CNRIP1: variants seen among roughly 807,000 people sequenced by gnomAD.
CNRIP1 encodes CB1 cannabinoid receptor-interacting protein 1.
Under a neutral mutation model 15.2 loss-of-function variants are expected in CNRIP1, and 10 were observed. The ratio of observed to expected loss-of-function variants is 0.66; its 90% CI spans 0.41 to 1.12. CNRIP1 has a LOEUF of 1.12. Among genes scored for constraint, CNRIP1 ranks in the 50% most tolerant of loss-of-function variants. CNRIP1 has a pLI of 0.00. For synonymous variants in CNRIP1, 91 were observed against 83.2 expected (o/e 1.09, Z -0.51); for missense variants, 211 against 214.7 (o/e 0.98, Z 0.11).
chr2:68,290,550 CCT>C (rs1157419952), downstream of CNRIP1, among the ~76,000 whole-genome samples: 3 of 151,942 alleles, frequency 2.0e-5, no homozygotes, highest in Non-Finnish European at 2.9e-5. Context: ...TTTTCTCTGT[CCT>C]CTCTGAAAAA....
intron 2 of CNRIP1, among the ~76,000 whole-genome samples, chr2:68,300,654 A>G (rs1470439049): frequency 3.3e-5 from 5 of 152,100 alleles, no homozygotes; most frequent in Non-Finnish European, 7.4e-5. Flanking sequence ...AAGAAACAGC[A>G]GAAATCAATG....
At chr2:68,311,203 G>GA (rs1033690380) in intron 2 of CNRIP1, among the ~76,000 whole-genome samples, 1 of 91,782 alleles carries the variant, frequency 1.1e-5, no homozygotes, top group African/African-American at 4.1e-5. Context: ...TGATCCCCAA[G>GA]GGGGGAAAAA....
rs529465539 is a variant in CNRIP1, at chr2:68,300,575, C to A, written c.331-6549G>T. Among the ~76,000 whole-genome samples the A allele has an allele frequency of 1.4e-3, 219 of 151,876 alleles. 1 individual carries two copies. Among genetic ancestry groups the A allele is most frequent in the African/African-American group, 4.9e-3 (204 of 41,416 alleles). On this transcript the variant is annotated intron_variant, in intron 2 of 2. Coordinates refer to ENST00000263655, the MANE Select transcript of CNRIP1 (RefSeq NM_015463.3). ...GAGGTTGCAGTGAGCTGAGATCACA[C>A]CATTGCACTCCAGCCTGGGCATCAG... is the stretch of plus-strand genomic sequence containing the variant.
rs375111232 is a variant in CNRIP1, at chr2:68,317,169, C to A, written c.318G>T (p.Gln106His). 6.8e-6 allele frequency: 11 copies of A among 1,614,090 alleles called. No homozygotes were observed. The highest frequency in any genetic ancestry group is 9.3e-6 in the Non-Finnish European group (11 of 1,180,042). ...PTKSGERQPI[Q>H]ITMPFTDIGT... is the part of the protein sequence containing the mutation. ...AAGCAAGCCTTACCGGCATGGTGATCTGGATGGGTTGCCGTTCTCCACTCT... is the reference window on the plus strand; with the variant it reads ...AAGCAAGCCTTACCGGCATGGTGATATGGATGGGTTGCCGTTCTCCACTCT... The change falls in exon 2 of 3, where the codon CAG becomes CAT. Residue 106 changes from glutamine (Q) to histidine (H), a missense_variant. Gln to His is a conservative substitution (Grantham distance 24, BLOSUM62 0). Transcript: ENST00000263655.
At chr2:68,303,539 A>G (rs1401093011) in intron 2 of CNRIP1, among the ~76,000 whole-genome samples, 6 of 152,174 alleles carry the variant, frequency 3.9e-5, no homozygotes, top group Non-Finnish European at 7.3e-5. Context: ...TTGGATTCAC[A>G]CTTCTTTTGC....
At chr2:68,284,569 T>C in intron 2 of CNRIP1, 1 of 840,362 alleles carries the variant, frequency 1.2e-6, no homozygotes, top group Non-Finnish European at 1.8e-6. Context: ...CCCAGCACTT[T>C]GGGAGGCCAA....
intron 2 of CNRIP1, among the ~76,000 whole-genome samples, chr2:68,300,974 C>T (rs1671584060): frequency 6.6e-6 from 1 of 152,134 alleles, no homozygotes; most frequent in Non-Finnish European, 1.5e-5. Context: ...TAAATTCAGA[C>T]ATATAAGGGG....
At chr2:68,297,031 C>T (rs778485460) in intron 2 of CNRIP1, among the ~76,000 whole-genome samples, 5 of 151,924 alleles carry the variant, frequency 3.3e-5, no homozygotes, top group African/African-American at 1.2e-4. Flanking sequence ...CCTCTCAAAG[C>T]GCTGGGATTA....
intron 2 of CNRIP1, among the ~76,000 whole-genome samples, chr2:68,304,832 C>G (rs1360560558): frequency 6.6e-6 from 1 of 152,132 alleles, no homozygotes; most frequent in Non-Finnish European, 1.5e-5. Context: ...GTTTTCTGAT[C>G]AAGTCACCAG....
chr2:68,306,732 G>C (rs1671863424), intron 2 of CNRIP1, among the ~76,000 whole-genome samples: 1 of 150,516 alleles, frequency 6.6e-6, no homozygotes, highest in Admixed American at 6.6e-5. Flanking sequence ...AGTGAGCCGA[G>C]ATTGCACCAT....
At chr2:68,311,972 A>G (rs1308757207) in intron 2 of CNRIP1, among the ~76,000 whole-genome samples, 1 of 152,148 alleles carries the variant, frequency 6.6e-6, no homozygotes, top group African/African-American at 2.4e-5. Flanking sequence ...ATAGCCCGAT[A>G]TCTATTAACG....
At chr2:68,302,922 C>A (rs149404213) in intron 2 of CNRIP1, among the ~76,000 whole-genome samples, 4,078 of 148,116 alleles carry the variant, frequency 0.028, 199 homozygotes, top group African/African-American at 0.095. Flanking sequence ...TCTCGGCTCA[C>A]TGCAGGCTCC....
At chr2:68,297,119 C>T (rs146454285) in intron 2 of CNRIP1, among the ~76,000 whole-genome samples, 48 of 151,934 alleles carry the variant, frequency 3.2e-4, no homozygotes, top group African/African-American at 1.0e-3. Flanking sequence ...ATTACTTTAC[C>T]AGAAAAAAAA....
chr2:68,310,858 A>C (rs981158378), intron 2 of CNRIP1, among the ~76,000 whole-genome samples: 4 of 152,206 alleles, frequency 2.6e-5, no homozygotes, highest in African/African-American at 4.8e-5. Flanking sequence ...AGGAATCTTG[A>C]GAAACTGAAA....
At chr2:68,302,961 C>T (rs1390907230) in intron 2 of CNRIP1, among the ~76,000 whole-genome samples, 1 of 151,306 alleles carries the variant, frequency 6.6e-6, no homozygotes, top group Non-Finnish European at 1.5e-5. Flanking sequence ...CATTCTCCTG[C>T]CTCAGCCTCC....
chr2:68,302,934 C>T (rs902033185), intron 2 of CNRIP1, among the ~76,000 whole-genome samples: 80 of 148,558 alleles, frequency 5.4e-4, no homozygotes, highest in Admixed American at 1.1e-3. Context: ...GCAGGCTCCG[C>T]CCCCCGGGGT....
intron 2 of CNRIP1, 95 bp downstream of exon 2, chr2:68,317,062 C>T (rs1423086151): frequency 2.0e-6 from 3 of 1,486,234 alleles, no homozygotes; most frequent in Admixed American, 1.7e-5. Flanking sequence ...TGGCTCCCAA[C>T]ACACCTTTTC....
rs200914837 is a variant in CNRIP1, at chr2:68,293,929, A to G, written c.428T>C (p.Ile143Thr). 2.4e-5 allele frequency: 39 copies of G among 1,614,100 alleles called. No homozygotes were observed. The highest frequency in any genetic ancestry group is 3.3e-5 in the Non-Finnish European group (39 of 1,180,010). The change falls in exon 3 of 3, where the codon ATT becomes ACT. Residue 143 changes from isoleucine to threonine, a missense_variant. By Grantham distance (89) the Ile-to-Thr change is moderately conservative. Coordinates refer to ENST00000263655, the MANE Select transcript of CNRIP1 (RefSeq NM_015463.3). ...HCQWGSPFSV[I>T]EYECKPNETR... is the part of the protein sequence containing the mutation. ...CTCGTTGGGCTTGCATTCATACTCA[A>G]TGACAGAGAAGGGGCTTCCCCACTG...
intron 2 of CNRIP1, among the ~76,000 whole-genome samples, chr2:68,309,925 A>G (rs979008842): frequency 7.9e-5 from 12 of 152,200 alleles, no homozygotes; most frequent in African/African-American, 2.7e-4. Flanking sequence ...AAGTTGTGCT[A>G]AGATTAATAG....
Sources: allele counts gnomAD v4.1 joint callset (sites outside exome capture counted in the v4.1 genomes callset), GRCh38; gene constraint gnomAD v4.1.1; transcripts MANE v1.5; gene names NCBI Gene and HGNC (gene_info 2026-07-23, HGNC 2026-07-21).